Variants in ARHGEF9 observed in about 807,000 individuals in gnomAD.
ARHGEF9 encodes the protein Cdc42 guanine nucleotide exchange factor 9, also known as rho guanine nucleotide exchange factor 9.
In ARHGEF9, 2 loss-of-function variants were observed where a neutral mutation model predicts 41.3. The observed-to-expected ratio is 0.05, with a 90% CI of 0.02 to 0.15. The LOEUF (loss-of-function observed/expected upper bound fraction) is 0.15. Ranked by LOEUF, ARHGEF9 falls within the 10% of genes least tolerant of loss-of-function variation. The pLI, the probability that ARHGEF9 is intolerant of heterozygous loss-of-function variation, is 1.00. For synonymous variants in ARHGEF9, 160 were observed against 154.4 expected (o/e 1.04, Z -0.27); for missense variants, 225 against 424.7 (o/e 0.53, Z 4.13).
chrX:63,700,353 A>G (rs1556394052), intron 3 of ARHGEF9, among the ~76,000 whole-genome samples: 2 of 111,693 alleles, frequency 1.8e-5, no homozygotes, highest in Non-Finnish European at 3.8e-5. Flanking sequence ...TGCTTTTTTT[A>G]TCCCCTTCTT....
intron 8 of ARHGEF9, among the ~76,000 whole-genome samples, chrX:63,654,147 T>C (rs1358815539): frequency 4.8e-5 from 5 of 104,063 alleles, no homozygotes; most frequent in Non-Finnish European, 1.0e-4. Flanking sequence ...TGATTTACTG[T>C]TATTATCAAA....
intron 2 of ARHGEF9, among the ~76,000 whole-genome samples, chrX:63,709,622 T>C (rs782396959): frequency 1.8e-5 from 2 of 111,947 alleles, no homozygotes; most frequent in East Asian, 2.8e-4. Context: ...AAATCCTTAA[T>C]AGCTCTCCAC....
intron 8 of ARHGEF9, among the ~76,000 whole-genome samples, chrX:63,645,856 G>C (rs1479446850): frequency 8.9e-6 from 1 of 111,873 alleles, no homozygotes; most frequent in African/African-American, 3.3e-5. Context: ...CAGTGTAAAA[G>C]TGTTCCTATT....
intron 6 of ARHGEF9, among the ~76,000 whole-genome samples, chrX:63,670,041 T>C (rs782672800): frequency 8.9e-6 from 1 of 111,753 alleles, no homozygotes; most frequent in African/African-American, 3.2e-5. Flanking sequence ...TTATCTACCT[T>C]CCTTCCTTGG....
At chrX:63,694,069 G>C (rs1299262586) in intron 4 of ARHGEF9, among the ~76,000 whole-genome samples, 2 of 109,965 alleles carry the variant, frequency 1.8e-5, no homozygotes, top group African/African-American at 6.6e-5. Context: ...TGTAATCCCA[G>C]CTACTTGGGA....
At chrX:63,640,805 A>T (rs1286274746) in intron 9 of ARHGEF9, 1 of 111,417 alleles carries the variant, frequency 9.0e-6, no homozygotes. Flanking sequence ...ACCTCTTAAC[A>T]ATGCCCCTCA....
intron 1 of ARHGEF9, among the ~76,000 whole-genome samples, chrX:63,759,853 C>T (rs1556448917): frequency 8.9e-6 from 1 of 111,795 alleles, no homozygotes; most frequent in African/African-American, 3.3e-5. Flanking sequence ...TGCCTAAGGT[C>T]ACATGGCTAG....
Position 63,662,829 on chromosome X carries a change from C to T in ARHGEF9, c.1077+3057G>A, listed in dbSNP as rs1213589608. ...ATTAATACTTTATTGTTGATTTCTACTTTCTAGAACATATTATTTTCTGCT... is the reference window on the plus strand; with the variant it reads ...ATTAATACTTTATTGTTGATTTCTATTTTCTAGAACATATTATTTTCTGCT... On this transcript the variant is annotated intron_variant, in intron 7 of 9. Coordinates refer to ENST00000671741, the MANE Select transcript of ARHGEF9 (RefSeq NM_001353921.2). 5.4e-5 allele frequency among the ~76,000 whole-genome samples: 6 copies of T among 111,940 alleles called. 1 individual carries two copies. Among genetic ancestry groups the T allele is most frequent in the African/African-American group, 1.9e-4 (6 of 30,828 alleles).
rs782649483 is a variant in ARHGEF9, at chrX:63,770,474, T to C, written c.30+14642A>G. On this transcript the variant is annotated intron_variant, in intron 1 of 9. Coordinates refer to ENST00000671741, the MANE Select transcript of ARHGEF9 (RefSeq NM_001353921.2). ...TGCAGGCTCATAGGTGGAAGGAACCTGCTTTGCCTCAAATTTTAAAATGTA... is the reference window on the plus strand; with the variant it reads ...TGCAGGCTCATAGGTGGAAGGAACCCGCTTTGCCTCAAATTTTAAAATGTA... 5.7e-3 allele frequency among the ~76,000 whole-genome samples: 638 copies of C among 112,325 alleles called. 3 individuals carry two copies. The highest frequency in any genetic ancestry group is 9.4e-3 in the Non-Finnish European group (499 of 53,283).
intron 1 of ARHGEF9, among the ~76,000 whole-genome samples, chrX:63,764,923 T>C (rs1283844022): frequency 9.0e-6 from 1 of 111,631 alleles, no homozygotes; most frequent in African/African-American, 3.3e-5. Flanking sequence ...TGTTTACCTA[T>C]GTAACAAAGC....
chrX:63,697,918 T>C (rs1556390580), intron 3 of ARHGEF9, among the ~76,000 whole-genome samples: 1 of 110,764 alleles, frequency 9.0e-6, no homozygotes, highest in African/African-American at 3.3e-5. Flanking sequence ...TGTCTTCACA[T>C]ACTTTAAGAA....
At chrX:63,685,821 T>TA (rs1461394349) in intron 4 of ARHGEF9, among the ~76,000 whole-genome samples, 3 of 111,544 alleles carry the variant, frequency 2.7e-5, no homozygotes, top group Non-Finnish European at 5.7e-5. Context: ...GGCCTAAATG[T>TA]AAAAAATAAA....
intron 3 of ARHGEF9, among the ~76,000 whole-genome samples, chrX:63,705,799 G>A (rs142813213): frequency 7.7e-4 from 86 of 111,441 alleles, no homozygotes; most frequent in South Asian, 1.5e-3. Flanking sequence ...TCATGACTTG[G>A]GGGACAAGAG....
intron 7 of ARHGEF9, among the ~76,000 whole-genome samples, chrX:63,659,095 C>T (rs1220017703): frequency 1.8e-5 from 2 of 112,700 alleles, no homozygotes; most frequent in Non-Finnish European, 3.7e-5. Flanking sequence ...ATGCTGCTCA[C>T]AGCTTTTAGT....
At position 63,637,485 on chromosome X, in the gene ARHGEF9, A is replaced by G; in HGVS notation, c.*543T>C. ...GCTGAAGGAGAGGAGAAAGGAGCTCATTCCCTTCCTCAATGGAAAGTAAAA... is the reference window on the plus strand; with the variant it reads ...GCTGAAGGAGAGGAGAAAGGAGCTCGTTCCCTTCCTCAATGGAAAGTAAAA... On this transcript the variant is annotated 3_prime_UTR_variant, in exon 10 of 10. Coordinates refer to ENST00000671741, the MANE Select transcript of ARHGEF9 (RefSeq NM_001353921.2). 3.5e-6 allele frequency: 1 copy of G among 286,695 alleles called. No homozygotes were observed. Among genetic ancestry groups the G allele is most frequent in the East Asian group, 5.0e-5 (1 of 20,180 alleles). 23.6% of individuals were successfully genotyped at this position (286,695 alleles called of 1,213,427 possible).
Position 63,635,188 on chromosome X carries a change from A to AACCCC in ARHGEF9, c.*2839_*2840insGGGGT. ...ATCCACCCCAGCCCACCCCATCCCC[A>AACCCC]AAGCACTAAAAGATCACTATTTGGC... is the stretch of plus-strand genomic sequence containing the variant. On this transcript the variant is annotated 3_prime_UTR_variant, in exon 10 of 10. Transcript: ENST00000671741. 1 of 253,419 alleles carries AACCCC rather than the reference A, an allele frequency of 3.9e-6. No individual in the cohort carries two copies. Among genetic ancestry groups the AACCCC allele is most frequent in the Non-Finnish European group, 7.4e-6 (1 of 135,070 alleles). 20.9% of individuals were successfully genotyped at this position (253,419 alleles called of 1,213,427 possible).
intron 5 of ARHGEF9, 111 bp from the exon 6 acceptor site, chrX:63,674,278 G>C (rs2050125973): frequency 3.5e-6 from 3 of 862,108 alleles, no homozygotes; most frequent in Non-Finnish European, 3.3e-6. Flanking sequence ...ACAGAGTCCT[G>C]ATTTTCAGAT....
At chrX:63,752,894 T>G (rs1202119779) in intron 1 of ARHGEF9, among the ~76,000 whole-genome samples, 4 of 111,241 alleles carry the variant, frequency 3.6e-5, no homozygotes, top group African/African-American at 9.8e-5. Flanking sequence ...CCCACATGGG[T>G]GGAGGGGGAG....
intron 1 of ARHGEF9, among the ~76,000 whole-genome samples, chrX:63,781,037 T>C (rs1405449631): frequency 8.9e-6 from 1 of 112,257 alleles, no homozygotes. Context: ...TGTAGTTTTA[T>C]GTGTGCTTAA....
Sources: gnomAD v4.1 joint callset for allele counts (sites outside exome capture counted in the v4.1 genomes callset) on GRCh38, gnomAD v4.1.1 for gene constraint, MANE v1.5 for transcripts, NCBI Gene and HGNC (gene_info 2026-07-23, HGNC 2026-07-21) for gene names.